Variants in PKP3 observed in about 807,000 individuals in gnomAD.
The protein encoded by PKP3 is plakophilin 3, also known as plakophilin-3.
In PKP3, 66 loss-of-function variants were observed where a neutral mutation model predicts 76.5. The ratio of observed to expected loss-of-function variants is 0.86; its 90% CI spans 0.71 to 1.06. The LOEUF is 1.06. PKP3 is among the 50% of genes least tolerant of loss of function. The pLI, the probability that PKP3 is intolerant of heterozygous loss-of-function variation, is 0.00. For missense variants in PKP3, 1,338 were observed against 1,141.0 expected (o/e 1.17, Z -2.49); for synonymous variants, 638 against 516.5 (o/e 1.24, Z -3.19).
At position 403,087 on chromosome 11, in the gene PKP3, G is replaced by A. The variant is rs113784642; in HGVS notation, c.1747G>A (p.Ala583Thr). 1.3e-4 allele frequency: 185 copies of A among 1,468,802 alleles called. 2 individuals are homozygous for A. Among genetic ancestry groups the A allele is most frequent in the African/African-American group, 9.1e-4 (55 of 60,410 alleles). The allele number at this position is 1,468,802 out of a possible 1,614,324, so 91.0% of individuals were successfully genotyped here. A position where few individuals can be genotyped will look rare whatever the true frequency, so the allele number is the denominator to read the frequency against. ...QSRRLRELPLAADALTFAEVS... is the reference protein window; with the variant it reads ...QSRRLRELPLTADALTFAEVS... ...TCCCCGCCCTGCGCAGCTGCCCCTC[G>A]CCGCCGATGCGCTCACCTTCGCGGA... The change falls in exon 9 of 13, where the codon GCC becomes ACC. Residue 583 changes from alanine to threonine, a missense_variant. Coordinates refer to ENST00000331563, the MANE Select transcript of PKP3 (RefSeq NM_007183.4).
chr11:392,730 C>T, upstream of PKP3: 1 of 1,246,642 alleles, frequency 8.0e-7, no homozygotes, highest in Non-Finnish European at 1.0e-6. Context: ...ACCCCTTCCC[C>T]ACCACCCCGA....
In PKP3 at chr11:397,440, C is replaced by T. The variant is rs765890179; in HGVS notation, c.939C>T (p.Ser313=). The change falls in exon 3 of 13, where the codon AGC becomes AGT. Residue 313 remains serine (S), a synonymous_variant. Coordinates refer to ENST00000331563, the MANE Select transcript of PKP3 (RefSeq NM_007183.4). ...YGSHRTLQRL[S]SGFDDIDLPS... ...GCCACCGAACCCTGCAGAGACTCAG[C>T]AGCGGGTGAGCGGCTGGGCCCGGCT... The T allele has an allele frequency of 1.7e-5, 27 of 1,612,074 alleles. No individual in the cohort carries two copies. The highest frequency in any genetic ancestry group is 2.2e-5 in the Non-Finnish European group (26 of 1,179,684).
Position 404,711 on chromosome 11 carries a change from G to A in PKP3, c.*142G>A, listed in dbSNP as rs920154776. The A allele has an allele frequency of 1.4e-6, 1 of 712,484 alleles. No individual in the cohort carries two copies. The highest frequency in any genetic ancestry group is 2.7e-5 in the East Asian group (1 of 37,296). 44.1% of individuals were successfully genotyped at this position (712,484 alleles called of 1,614,324 possible). A position where few individuals can be genotyped will look rare whatever the true frequency, so the allele number is the denominator to read the frequency against. On this transcript the variant is annotated 3_prime_UTR_variant, in exon 13 of 13. Transcript: ENST00000331563. This position sits in a 1 kb window ranked among gnomAD's most constrained non-coding sequence, Gnocchi z 4.2. ...TGGGGCCCCTGTGTGCATCTTTGAGGGTCCTGGGCCACCAGGAGGGGCAGG... is the reference window on the plus strand; with the variant it reads ...TGGGGCCCCTGTGTGCATCTTTGAGAGTCCTGGGCCACCAGGAGGGGCAGG...
chr11:400,466 G>A lies in PKP3; in HGVS notation c.1566+15G>A, dbSNP rs900844849. On this transcript the variant is annotated intron_variant, in intron 7 of 12. Coordinates refer to ENST00000331563, the MANE Select transcript of PKP3 (RefSeq NM_007183.4). ...GCGAGGACAAGGTGAGGGGCGCGGT[G>A]TGGAGGAGGGGCCGTGCCCCCGGGC... is the stretch of plus-strand genomic sequence containing the variant. The A allele has an allele frequency of 6.5e-7, 1 of 1,532,162 alleles. No individual in the cohort carries two copies. Among genetic ancestry groups the A allele is most frequent in the Non-Finnish European group, 8.8e-7 (1 of 1,137,786 alleles). 94.9% of individuals were successfully genotyped at this position (1,532,162 alleles called of 1,614,324 possible).
Position 404,331 on chromosome 11 carries a change from TC to T in PKP3, c.2358+11del, listed in dbSNP as rs1378934055. On this transcript the variant is annotated intron_variant, in intron 12 of 12. Transcript: ENST00000331563. This position sits in a 1 kb window ranked among gnomAD's most constrained non-coding sequence, Gnocchi z 4.2. The stretch of plus-strand genomic sequence containing the variant: ...CACCGTGACTTCCGGGCGGTACGTT[TC>T]CCGAGCCCAGGGCAAGCAGGGACCC... 4 of 1,610,580 alleles carry T rather than the reference TC, an allele frequency of 2.5e-6. No homozygotes were observed. Among genetic ancestry groups the T allele is most frequent in the Non-Finnish European group, 3.4e-6 (4 of 1,178,160 alleles).
At chr11:392,675 CT>C, upstream of PKP3, 4 of 1,287,014 alleles carry the variant, frequency 3.1e-6, no homozygotes, top group Non-Finnish European at 3.0e-6. Context: ...CTGGGATGAG[CT>C]GGGAGGCTGG....
Position 394,217 on chromosome 11 carries a change from G to A in PKP3, c.-76G>A, listed in dbSNP as rs1847011923. ...GGCTGGGCGGGGACTTCAGGGAGAGGGCCTCGAGGGACAGGACGTGAAGAT... is the reference window on the plus strand; with the variant it reads ...GGCTGGGCGGGGACTTCAGGGAGAGAGCCTCGAGGGACAGGACGTGAAGAT... On this transcript the variant is annotated 5_prime_UTR_variant, in exon 1 of 13. Coordinates refer to ENST00000331563, the MANE Select transcript of PKP3 (RefSeq NM_007183.4). The A allele has an allele frequency of 1.4e-6, 2 of 1,400,650 alleles. No individual in the cohort carries two copies. Among genetic ancestry groups the A allele is most frequent in the Non-Finnish European group, 1.8e-6 (2 of 1,081,682 alleles). 86.8% of individuals were successfully genotyped at this position (1,400,650 alleles called of 1,614,324 possible).
Position 394,277 on chromosome 11 carries a change from C to G in PKP3, c.-16C>G. 3.3e-6 allele frequency: 5 copies of G among 1,494,836 alleles called. No homozygotes were observed. Among genetic ancestry groups the G allele is most frequent in the Admixed American group, 2.2e-5 (1 of 45,160 alleles). 92.6% of individuals were successfully genotyped at this position (1,494,836 alleles called of 1,614,324 possible). ...TGGAGGCGGCCGCCAGGCCCAGGCC[C>G]GGTGGACCTGCCGCCATGCAGGACG... is the stretch of plus-strand genomic sequence containing the variant. On this transcript the variant is annotated 5_prime_UTR_variant, in exon 1 of 13. Coordinates refer to ENST00000331563, the MANE Select transcript of PKP3 (RefSeq NM_007183.4).
chr11:395,330 G>A (rs1847031061), intron 1 of PKP3, among the ~76,000 whole-genome samples: 1 of 152,190 alleles, frequency 6.6e-6, no homozygotes, highest in Middle Eastern at 3.2e-3. Context: ...TCCACTTGGT[G>A]TTTAGAGGGG....
intron 9 of PKP3, 148 bp from the exon 10 acceptor site, chr11:403,469 CG>C (rs1847192981): frequency 1.2e-6 from 1 of 842,364 alleles, no homozygotes; most frequent in East Asian, 2.6e-5. Flanking sequence ...ATCCGGGCTG[CG>C]GCTGATTCCC....
At chr11:403,552 G>C in intron 9 of PKP3, 66 bp from the exon 10 acceptor site, 1 of 1,509,402 alleles carries the variant, frequency 6.6e-7, no homozygotes, top group Non-Finnish European at 9.0e-7. Context: ...ACCCCATTGT[G>C]GCAGGACCCC....
chr11:396,353 C>T (rs1847044417), intron 1 of PKP3: 5 of 450,342 alleles, frequency 1.1e-5, no homozygotes, highest in Admixed American at 4.0e-5. Context: ...AGTGGGTGAG[C>T]GTATCTGCCC....
upstream of PKP3, among the ~76,000 whole-genome samples, chr11:393,857 G>T (rs1044135141): frequency 6.6e-6 from 1 of 152,120 alleles, no homozygotes; most frequent in Non-Finnish European, 1.5e-5. Flanking sequence ...CATGCTGGGG[G>T]TGGCAGGACA....
chr11:398,053 TG>T (rs1847083423), intron 4 of PKP3, among the ~76,000 whole-genome samples: 4 of 66,346 alleles, frequency 6.0e-5, no homozygotes, highest in African/African-American at 2.1e-4. Context: ...CGCACACACC[TG>T]CGTCACCTCC....
At position 394,354 on chromosome 11, in the gene PKP3, C is replaced by A; in HGVS notation, c.62C>A (p.Ala21Glu). 6.6e-7 allele frequency: 1 copy of A among 1,512,440 alleles called. No homozygotes were observed. Among genetic ancestry groups the A allele is most frequent in the South Asian group, 1.2e-5 (1 of 82,348 alleles). The allele number at this position is 1,512,440 out of a possible 1,614,324, so 93.7% of individuals were successfully genotyped here. The part of the protein sequence containing the change: ...LQPEAGVCSL[A>E]LPSDLQLDRR... ...CCTGAGGCCGGCGTGTGCTCCCTGG[C>A]GCTGCCCTCTGACCTGCAGCTGGAC... Residue 21 changes from alanine to glutamate, a missense_variant, in exon 1 of 13, where the codon GCG becomes GAG. Coordinates refer to ENST00000331563, the MANE Select transcript of PKP3 (RefSeq NM_007183.4).
chr11:404,044 A>T lies in PKP3; in HGVS notation c.2179A>T (p.Asn727Tyr), dbSNP rs781008698. The T allele has an allele frequency of 3.7e-6, 6 of 1,612,470 alleles. No individual in the cohort carries two copies. Among genetic ancestry groups the T allele is most frequent in the Non-Finnish European group, 5.1e-6 (6 of 1,179,840 alleles). ...GGTCAACATCATAGCTGTGCTCAAC[A>T]ACCTGGTGGTGGCCAGCCCCATCGC... is the stretch of plus-strand genomic sequence containing the variant. Reference protein sequence around the residue: ...VLVNIIAVLNNLVVASPIAAR... With the variant: ...VLVNIIAVLNYLVVASPIAAR... Residue 727 changes from asparagine to tyrosine, a missense_variant, in exon 11 of 13, where the codon AAC (asparagine) becomes TAC (tyrosine). Asn to Tyr is a moderately radical substitution (Grantham distance 143, BLOSUM62 -2). Transcript: ENST00000331563. This position sits in a 1 kb window ranked among gnomAD's most constrained non-coding sequence, Gnocchi z 4.2.
At chr11:403,367 C>A in intron 9 of PKP3, 104 bp downstream of exon 9, 1 of 1,044,236 alleles carries the variant, frequency 9.6e-7, no homozygotes, top group South Asian at 1.6e-5. Flanking sequence ...CGCCCAGGGT[C>A]CGCGGAGCCT....
chr11:396,480 CT>C, intron 1 of PKP3, 127 bp from the exon 2 acceptor site: 1 of 633,868 alleles, frequency 1.6e-6, no homozygotes, highest in Non-Finnish European at 2.7e-6. Flanking sequence ...TGGTGCCCCC[CT>C]GGCCTCCCTG....
In PKP3 at chr11:400,599, C is replaced by A; in HGVS notation, c.1631C>A (p.Pro544Gln). The change falls in exon 8 of 13, where the codon CCG (proline) becomes CAG (glutamine). Residue 544 changes from proline (P) to glutamine (Q), a missense_variant. Coordinates refer to ENST00000331563, the MANE Select transcript of PKP3 (RefSeq NM_007183.4). ...LSYRLYDEMP[P>Q]SALQRLEGRG... ...TACCGCCTCTACGACGAGATGCCGC[C>A]GTCCGCGCTGCAGCGGCTGGAGGGT... 6.8e-7 allele frequency: 1 copy of A among 1,464,770 alleles called. No homozygotes were observed. Among genetic ancestry groups the A allele is most frequent in the Non-Finnish European group, 8.9e-7 (1 of 1,117,386 alleles). The allele number at this position is 1,464,770 out of a possible 1,614,324, so 90.7% of individuals were successfully genotyped here. A position where few individuals can be genotyped will look rare whatever the true frequency, so the allele number is the denominator to read the frequency against.
Sources: allele counts gnomAD v4.1 joint callset (sites outside exome capture counted in the v4.1 genomes callset), GRCh38; gene constraint gnomAD v4.1.1; non-coding constraint Gnocchi (gnomAD v3.1); transcripts MANE v1.5; gene names NCBI Gene and HGNC (gene_info 2026-07-23, HGNC 2026-07-21).